Variants in SH2D7 observed in about 807,000 individuals in gnomAD.
SH2D7 encodes SH2 domain containing 7, also known as SH2 domain-containing protein 7.
SH2D7 carries 32 observed loss-of-function variants against 40.8 expected under a neutral mutation model. That is an observed-to-expected ratio of 0.78 (90% CI 0.59 to 1.05). SH2D7 has a LOEUF of 1.05. SH2D7 is among the 50% of genes least tolerant of loss of function. The probability of loss-of-function intolerance (pLI) is 0.00; values close to 1 mark genes in which losing one functional copy is unlikely to be tolerated. For missense variants in SH2D7, 559 were observed against 566.6 expected, an observed-to-expected ratio of 0.99 and a Z score of 0.14; for synonymous variants, 195 against 221.5, an observed-to-expected ratio of 0.88 and a Z score of 1.06.
At chr15:78,094,242 C>A in intron 2 of SH2D7, 41 bp downstream of exon 2, 1 of 1,570,394 alleles carries the variant, frequency 6.4e-7, no homozygotes, top group Non-Finnish European at 8.7e-7. Context: ...CTCATCCTAC[C>A]ATAACCTAGC....
chr15:78,095,581 G>C (rs1406865190), intron 2 of SH2D7, among the ~76,000 whole-genome samples: 1 of 152,102 alleles, frequency 6.6e-6, no homozygotes, highest in Non-Finnish European at 1.5e-5. Context: ...AGGAGCAATT[G>C]GATATCTAAA....
chr15:78,100,737 C>T (rs1042579552), intron 4 of SH2D7, among the ~76,000 whole-genome samples, 162 bp from the exon 5 acceptor site: 4 of 152,168 alleles, frequency 2.6e-5, no homozygotes, highest in Non-Finnish European at 5.9e-5. Flanking sequence ...AGAGCATGAG[C>T]GCTGGAAGGG....
intron 2 of SH2D7, 99 bp from the exon 3 acceptor site, chr15:78,097,830 G>A: frequency 6.8e-7 from 1 of 1,469,832 alleles, no homozygotes; most frequent in South Asian, 1.3e-5. Context: ...ATCAAGAGCT[G>A]GGACCCCTCA....
At chr15:78,102,933 G>C (rs1031240649) in intron 5 of SH2D7, among the ~76,000 whole-genome samples, 3 of 152,184 alleles carry the variant, frequency 2.0e-5, no homozygotes, top group African/African-American at 7.2e-5. Flanking sequence ...GGGAAGTGCT[G>C]ACGGCTCCTC....
chr15:78,092,724 C>A lies in SH2D7; in HGVS notation c.140C>A (p.Ala47Asp). ...TQAPFILQNGALPPWFHGFIT... is the reference protein window; with the variant it reads ...TQAPFILQNGDLPPWFHGFIT... Reference sequence around the variant, plus strand: ...GCCCCCTTCATTCTGCAGAACGGTGCCCTGCCTCCCTGGTTTCATGGATTC... The same window carrying A: ...GCCCCCTTCATTCTGCAGAACGGTGACCTGCCTCCCTGGTTTCATGGATTC... The change falls in exon 1 of 6, where the codon GCC becomes GAC. Residue 47 changes from alanine to aspartate, a missense_variant. Transcript: ENST00000328828. 6.2e-7 allele frequency: 1 copy of A among 1,606,132 alleles called. No homozygotes were observed.
At position 78,101,645 on chromosome 15, in the gene SH2D7, A is replaced by C. The variant is rs1162670957; in HGVS notation, c.1305+87A>C. On this transcript the variant is annotated intron_variant, in intron 5 of 5. Transcript: ENST00000328828. ...CAACCTGAAGCCCCCAGGCATAGGC[A>C]GGTCAGGTCACCGCCACTGCCTGGA... 6 of 1,421,300 alleles carry C rather than the reference A, an allele frequency of 4.2e-6. No individual in the cohort carries two copies. In the African/African-American group the frequency reaches 4.3e-5, roughly 10 times the overall value. 88.0% of individuals were successfully genotyped at this position (1,421,300 alleles called of 1,614,324 possible).
At chr15:78,098,704 G>A in intron 4 of SH2D7, 108 bp downstream of exon 4, 1 of 1,321,838 alleles carries the variant, frequency 7.6e-7, no homozygotes, top group Non-Finnish European at 1.0e-6. Flanking sequence ...CTCCGGCTGT[G>A]GAGGGTGAGC....
In SH2D7 at chr15:78,097,986, CA is replaced by C; in HGVS notation, c.325del (p.Ile109SerfsTer30). ...ACCAGCTTCGAAACCGGCGTTACAT[CA>C]TCTCAGGAGACACCCAGAGCCACAG... ...INQLRNRRYI[I>X]SGDTQSHSTL... On this transcript the variant is annotated frameshift_variant, in exon 3 of 6. Transcript: ENST00000328828. LOFTEE classifies it high-confidence loss of function. 6.2e-7 allele frequency: 1 copy of C among 1,611,300 alleles called. No homozygotes were observed. Among genetic ancestry groups the C allele is most frequent in the South Asian group, 1.1e-5 (1 of 90,652 alleles).
intron 2 of SH2D7, among the ~76,000 whole-genome samples, chr15:78,095,194 G>A (rs1025066075): frequency 2.6e-5 from 4 of 152,178 alleles, no homozygotes; most frequent in Non-Finnish European, 5.9e-5. Context: ...CAGTTGATAC[G>A]TTTAAAACTG....
In SH2D7 at chr15:78,094,215, C is replaced by T. The variant is rs775893828; in HGVS notation, c.266+14C>T. ...CTTGTCCTACAGGTAAGAGGGGAAG[C>T]CCTCTGGGCAAGCAAGCTCATCCTA... On this transcript the variant is annotated intron_variant, in intron 2 of 5. Coordinates refer to ENST00000328828, the MANE Select transcript of SH2D7 (RefSeq NM_001101404.2). 1.9e-6 allele frequency: 3 copies of T among 1,600,626 alleles called. No individual in the cohort carries two copies. Among genetic ancestry groups the T allele is most frequent in the African/African-American group, 2.7e-5 (2 of 74,776 alleles).
At chr15:78,101,620 C>A in intron 5 of SH2D7, 62 bp downstream of exon 5, 2 of 1,486,886 alleles carry the variant, frequency 1.3e-6, no homozygotes, top group Non-Finnish European at 1.8e-6. Context: ...TGGTAGGAGA[C>A]AACCTGAAGC....
chr15:78,091,900 G>T (rs748566887), upstream of SH2D7, among the ~76,000 whole-genome samples: 2 of 152,150 alleles, frequency 1.3e-5, no homozygotes, highest in Non-Finnish European at 2.9e-5. Flanking sequence ...GGCTGACCCC[G>T]ACCCCTGACT....
intron 5 of SH2D7, 123 bp downstream of exon 5, chr15:78,101,681 A>C: frequency 8.5e-7 from 1 of 1,179,356 alleles, no homozygotes; most frequent in South Asian, 1.7e-5. Flanking sequence ...AGTACACAGA[A>C]TTTTCCAGCC....
In SH2D7 at chr15:78,103,537, A is replaced by G. The variant is rs759701028; in HGVS notation, c.*22A>G. Reference sequence around the variant, plus strand: ...CTGAGGGCCTGGCATCCGGCAGCCCACCAGTGGGTTTCCTGGTACCCAGGC... The same window carrying G: ...CTGAGGGCCTGGCATCCGGCAGCCCGCCAGTGGGTTTCCTGGTACCCAGGC... On this transcript the variant is annotated 3_prime_UTR_variant, in exon 6 of 6. Coordinates refer to ENST00000328828, the MANE Select transcript of SH2D7 (RefSeq NM_001101404.2). 2.1e-5 allele frequency: 33 copies of G among 1,558,320 alleles called. No individual in the cohort carries two copies. The South Asian group carries it at 3.7e-4, about 17-fold the overall frequency.
chr15:78,100,386 C>T (rs1292985812), intron 4 of SH2D7, among the ~76,000 whole-genome samples: 2 of 152,074 alleles, frequency 1.3e-5, no homozygotes, highest in African/African-American at 4.8e-5. Flanking sequence ...GACCCAAGGC[C>T]TTGAATGCCA....
Position 78,094,280 on chromosome 15 carries a change from G to A in SH2D7, c.266+79G>A, listed in dbSNP as rs932211054. ...TGCAGATTAGTGCAGAGGCCCCACT[G>A]GCCCAAATTGCCTAGATTTCCCTGG... On this transcript the variant is annotated intron_variant, in intron 2 of 5. Transcript: ENST00000328828. 6.4e-6 allele frequency: 9 copies of A among 1,397,462 alleles called. No individual in the cohort carries two copies. The African/African-American group carries it at 8.6e-5, about 13-fold the overall frequency. The allele number at this position is 1,397,462 out of a possible 1,614,324, so 86.6% of individuals were successfully genotyped here. A position where few individuals can be genotyped will look rare whatever the true frequency, so the allele number is the denominator to read the frequency against.
At chr15:78,098,157 A>G (rs570021615) in intron 3 of SH2D7, 63 bp downstream of exon 3, 5 of 1,510,174 alleles carry the variant, frequency 3.3e-6, no homozygotes, top group Non-Finnish European at 4.4e-6. Context: ...TGGGGTATCC[A>G]TCACTCAGAC....
chr15:78,097,472 G>T (rs1026445274), intron 2 of SH2D7, among the ~76,000 whole-genome samples: 27 of 152,240 alleles, frequency 1.8e-4, no homozygotes, highest in African/African-American at 6.5e-4. Flanking sequence ...GGGGAGTAGG[G>T]TGAGGTTGAG....
intron 2 of SH2D7, among the ~76,000 whole-genome samples, chr15:78,096,852 C>T (rs962966649): frequency 1.3e-5 from 2 of 152,132 alleles, no homozygotes; most frequent in African/African-American, 4.8e-5. Context: ...AAGCCAAACA[C>T]GGGTGTACCC....
Sources: gnomAD v4.1 joint callset for allele counts (sites outside exome capture counted in the v4.1 genomes callset) on GRCh38, gnomAD v4.1.1 for gene constraint, MANE v1.5 for transcripts, NCBI Gene and HGNC (gene_info 2026-07-23, HGNC 2026-07-21) for gene names.